The following CEP290 variants were observed in gnomAD, a reference collection of about 807,000 sequenced individuals.
CEP290 encodes centrosomal protein 290, also known as centrosomal protein of 290 kDa.
Under a neutral mutation model 344.9 loss-of-function variants are expected in CEP290, and 317 were observed. The ratio of observed to expected loss-of-function variants is 0.92; its 90% CI spans 0.84 to 1.01. CEP290 has a LOEUF of 1.01. Among genes scored for constraint, CEP290 ranks in the 50% least tolerant of loss-of-function variants. The pLI, the probability that CEP290 is intolerant of heterozygous loss-of-function variation, is 0.00. For synonymous variants in CEP290, 932 were observed against 895.8 expected, an observed-to-expected ratio of 1.04 and a Z score of -0.72; for missense variants, 2,754 against 2,761.4, an observed-to-expected ratio of 1.00 and a Z score of 0.06.
chr12:88,137,321 AT>A (rs2040404358), intron 5 of CEP290, among the ~76,000 whole-genome samples: 1 of 152,148 alleles, frequency 6.6e-6, no homozygotes, highest in African/African-American at 2.4e-5. Context: ...GAAGAACTAA[AT>A]TTTTCATTTT....
chr12:88,053,637 T>C lies in CEP290; in HGVS notation c.7129+15A>G. 1 of 1,407,132 alleles carries C rather than the reference T, an allele frequency of 7.1e-7. No individual in the cohort carries two copies. The highest frequency in any genetic ancestry group is 1.8e-4 in the Middle Eastern group (1 of 5,438). 87.2% of individuals were successfully genotyped at this position (1,407,132 alleles called of 1,614,324 possible). ...AAACTTGGGGGTAGCTAACATGTTTTTTAAAATACATTACCAGGTATGGTG... is the reference window on the plus strand; with the variant it reads ...AAACTTGGGGGTAGCTAACATGTTTCTTAAAATACATTACCAGGTATGGTG... On this transcript the variant is annotated intron_variant, in intron 52 of 53. Transcript: ENST00000552810.
rs200211587 is a variant in CEP290, at chr12:88,121,058, T to C, written c.1298A>G (p.Asp433Gly). 2,284 of 1,613,582 alleles carry C rather than the reference T, an allele frequency of 1.4e-3. 1 individual carries two copies. Among genetic ancestry groups the C allele is most frequent in the Non-Finnish European group, 1.6e-3 (1,878 of 1,179,714 alleles). ...TAATTCTTTATCCTTTTCCCTAGCATCAGCCTCAGCCAGTTCAGCTGTTCT... is the reference window on the plus strand; with the variant it reads ...TAATTCTTTATCCTTTTCCCTAGCACCAGCCTCAGCCAGTTCAGCTGTTCT... ...AERTAELAEADAREKDKELVE... is the reference protein window; with the variant it reads ...AERTAELAEAGAREKDKELVE... The change falls in exon 14 of 54, where the codon GAT becomes GGT. Residue 433 changes from aspartate (D) to glycine (G), a missense_variant. Asp to Gly is a moderately conservative substitution (Grantham distance 94, BLOSUM62 -1). Transcript: ENST00000552810.
intron 6 of CEP290, 30 bp from the exon 7 acceptor site, chr12:88,131,248 G>T (rs1426385133): frequency 3.6e-6 from 5 of 1,407,774 alleles, no homozygotes; most frequent in Admixed American, 3.2e-5. Flanking sequence ...AAATAAATAA[G>T]AAGAAGATAA....
intron 44 of CEP290, among the ~76,000 whole-genome samples, 188 bp from the exon 45 acceptor site, chr12:88,064,303 T>C (rs552639345): frequency 1.1e-4 from 16 of 151,878 alleles, no homozygotes; most frequent in Admixed American, 6.6e-4. Flanking sequence ...ACAAAGGTAG[T>C]ATGGTTTGTT....
At chr12:88,069,341 A>G (rs777373339) in intron 43 of CEP290, among the ~76,000 whole-genome samples, 1 of 152,148 alleles carries the variant, frequency 6.6e-6, no homozygotes, top group African/African-American at 2.4e-5. Flanking sequence ...AATCTTTTCT[A>G]TAAAGTATTC....
chr12:88,084,471 T>G, intron 35 of CEP290, 115 bp downstream of exon 35: 2 of 987,460 alleles, frequency 2.0e-6, no homozygotes, highest in Non-Finnish European at 3.0e-6. Flanking sequence ...TAACAATTCT[T>G]AAATAGAATC....
At chr12:88,065,307 T>C (rs2034827821) in intron 44 of CEP290, among the ~76,000 whole-genome samples, 1 of 138,226 alleles carries the variant, frequency 7.2e-6, no homozygotes, top group East Asian at 2.2e-4. Context: ...ATAACATCTT[T>C]TAGATCCAAT....
In CEP290 at chr12:88,128,861, A is replaced by G. The variant is rs183710382; in HGVS notation, c.942+85T>C. 9.5e-5 allele frequency: 71 copies of G among 749,086 alleles called. No homozygotes were observed. In the African/African-American group the frequency reaches 1.3e-3, roughly 13 times the overall value. 46.4% of individuals were successfully genotyped at this position (749,086 alleles called of 1,614,324 possible). A position where few individuals can be genotyped will look rare whatever the true frequency, so the allele number is the denominator to read the frequency against. ...CCTAATAAACGTGTTATAAACCAGTATAAGACATTTAAAGAAAAATAAGAC... is the reference window on the plus strand; with the variant it reads ...CCTAATAAACGTGTTATAAACCAGTGTAAGACATTTAAAGAAAAATAAGAC... On this transcript the variant is annotated intron_variant, in intron 11 of 53. Transcript: ENST00000552810.
chr12:88,093,693 C>T (rs2037214062), intron 28 of CEP290, 77 bp downstream of exon 28: 2 of 1,077,124 alleles, frequency 1.9e-6, no homozygotes, highest in African/African-American at 3.1e-5. Flanking sequence ...CCAGACAAAC[C>T]ACTTAACAAT....
intron 49 of CEP290, among the ~76,000 whole-genome samples, chr12:88,056,652 C>A (rs1223957911): frequency 3.9e-5 from 6 of 152,114 alleles, no homozygotes. Flanking sequence ...CCTCTGATCA[C>A]CCTATCTAAA....
intron 21 of CEP290, 115 bp downstream of exon 21, chr12:88,111,579 A>G: frequency 1.1e-6 from 1 of 928,972 alleles, no homozygotes; most frequent in Non-Finnish European, 1.5e-6. Context: ...TAATATTGAA[A>G]GAATTAATTC....
Position 88,129,683 on chromosome 12 carries a change from G to C in CEP290, c.852+11C>G. 7.5e-7 allele frequency: 1 copy of C among 1,338,302 alleles called. No homozygotes were observed. The highest frequency in any genetic ancestry group is 1.0e-6 in the Non-Finnish European group (1 of 982,048). 82.9% of individuals were successfully genotyped at this position (1,338,302 alleles called of 1,614,324 possible). A position where few individuals can be genotyped will look rare whatever the true frequency, so the allele number is the denominator to read the frequency against. On this transcript the variant is annotated intron_variant, in intron 10 of 53. Coordinates refer to ENST00000552810, the MANE Select transcript of CEP290 (RefSeq NM_025114.4). ...TCTGAATAAATAAGTTATTCTAAAA[G>C]TAATTCTTACTTGAAGTTGATAATG...
intron 53 of CEP290, chr12:88,049,827 A>G (rs1043975780): frequency 6.4e-6 from 1 of 156,520 alleles, no homozygotes; most frequent in African/African-American, 2.4e-5. Context: ...TTAATGAATA[A>G]TGATCAATTT....
At chr12:88,088,142 C>T (rs1213244912) in intron 31 of CEP290, among the ~76,000 whole-genome samples, 198 bp from the exon 32 acceptor site, 4 of 152,054 alleles carry the variant, frequency 2.6e-5, no homozygotes, top group African/African-American at 9.7e-5. Context: ...TGGGATTTTA[C>T]AATAAAAATC....
chr12:88,077,155 T>C, intron 41 of CEP290, 67 bp downstream of exon 41: 1 of 1,442,108 alleles, frequency 6.9e-7, no homozygotes, highest in Non-Finnish European at 9.4e-7. Context: ...TAACTGTTAA[T>C]CAGCTATGTA....
chr12:88,081,668 A>C (rs139784731), intron 37 of CEP290, among the ~76,000 whole-genome samples: 1 of 152,250 alleles, frequency 6.6e-6, no homozygotes, highest in African/African-American at 2.4e-5. Flanking sequence ...CTCCTAATAC[A>C]TATCAAAATA....
chr12:88,058,594 A>C, intron 49 of CEP290: 1 of 468,372 alleles, frequency 2.1e-6, no homozygotes, highest in Non-Finnish European at 3.7e-6. Flanking sequence ...ACACAGCTCC[A>C]ACTCCTTCGC....
At position 88,139,187 on chromosome 12, in the gene CEP290, A is replaced by AT. The variant is rs2138259100; in HGVS notation, c.254dup (p.Asn85LysfsTer6). The AT allele has an allele frequency of 1.8e-6, 2 of 1,136,682 alleles. No homozygotes were observed. The highest frequency in any genetic ancestry group is 2.4e-6 in the Non-Finnish European group (2 of 824,552). 70.4% of individuals were successfully genotyped at this position (1,136,682 alleles called of 1,614,324 possible). ...GTTTCATTACTTTAGTTTTTAATTG[A>AT]TTTTCTATTTTTTTAAAAAAAAAGA... On this transcript the variant is annotated frameshift_variant, in exon 5 of 54. Transcript: ENST00000552810. LOFTEE classifies it high-confidence loss of function.
At chr12:88,087,317 T>G (rs1460224087) in intron 32 of CEP290, among the ~76,000 whole-genome samples, 1 of 152,168 alleles carries the variant, frequency 6.6e-6, no homozygotes, top group Admixed American at 6.5e-5. Context: ...TTATAAAAGC[T>G]AAATAAATAT....
Sources: gnomAD v4.1 joint callset for allele counts (sites outside exome capture counted in the v4.1 genomes callset) on GRCh38, gnomAD v4.1.1 for gene constraint, MANE v1.5 for transcripts, NCBI Gene and HGNC (gene_info 2026-07-23, HGNC 2026-07-21) for gene names.